Variants in DPP10 observed in about 807,000 individuals in gnomAD.
DPP10 encodes inactive dipeptidyl peptidase 10.
DPP10 carries 33 observed loss-of-function variants against 120.9 expected under a neutral mutation model. The observed-to-expected ratio is 0.27, with a 90% CI of 0.21 to 0.37. The LOEUF is 0.37. Among genes scored for constraint, DPP10 ranks in the 10% least tolerant of loss-of-function variants. The probability of loss-of-function intolerance (pLI) is 1.00; values close to 1 mark genes in which losing one functional copy is unlikely to be tolerated. For synonymous variants in DPP10, 337 were observed against 326.1 expected (o/e 1.03, Z -0.36); for missense variants, 816 against 942.8 (o/e 0.87, Z 1.76).
rs1422507027 is a variant in DPP10 at position 115,648,216 on chromosome 2, T to G, written c.442-41471T>G. On this transcript the variant is annotated intron_variant, in intron 5 of 25. Transcript: ENST00000410059. ...ATGGGAAATATATGTTTTTAAAAAC[T>G]GAACTCATAGAAGCAGAGTAGAATC... Among the ~76,000 whole-genome samples the G allele has an allele frequency of 2.6e-5, 4 of 152,032 alleles. No individual in the cohort carries two copies. The East Asian group carries it at 7.7e-4, about 29-fold the overall frequency.
At position 114,476,668 on chromosome 2, in the gene DPP10, G is replaced by A. The variant is rs190437917; in HGVS notation, c.60+33830G>A. 4.4e-3 allele frequency among the ~76,000 whole-genome samples: 677 copies of A among 152,280 alleles called. 1 individual carries two copies. Among genetic ancestry groups the A allele is most frequent in the African/African-American group, 0.012 (502 of 41,558 alleles). ...GGAAAGTTCAAACAGGAAATAGTGC[G>A]TATGTGTGAGTGGGGAGCTACTCTG... On this transcript the variant is annotated intron_variant, in intron 1 of 25. Transcript: ENST00000410059.
Position 115,693,434 on chromosome 2 carries a change from C to T in DPP10, c.576+3513C>T, listed in dbSNP as rs185290980. ...AGCAACTTTGGAACAAACCAAATTCCAGAACACAGAAACCCAAGACAACTC... is the reference window on the plus strand; with the variant it reads ...AGCAACTTTGGAACAAACCAAATTCTAGAACACAGAAACCCAAGACAACTC... On this transcript the variant is annotated intron_variant, in intron 7 of 25. Coordinates refer to ENST00000410059, the MANE Select transcript of DPP10 (RefSeq NM_020868.6). Among the ~76,000 whole-genome samples the T allele has an allele frequency of 8.6e-4, 131 of 152,154 alleles. 1 individual carries two copies. The highest frequency in any genetic ancestry group is 2.9e-3 in the African/African-American group (122 of 41,538).
At chr2:115,606,304 G>A (rs562734432) in intron 5 of DPP10, among the ~76,000 whole-genome samples, 12 of 152,020 alleles carry the variant, frequency 7.9e-5, no homozygotes, top group Admixed American at 3.3e-4. Flanking sequence ...ATGTTCTTTC[G>A]CTTTTTTTAA....
intron 1 of DPP10, among the ~76,000 whole-genome samples, chr2:114,649,906 GT>G (rs1170233578): frequency 6.6e-6 from 1 of 151,486 alleles, no homozygotes; most frequent in Non-Finnish European, 1.5e-5. Context: ...TTTCCACTTG[GT>G]TTATTTGACA....
chr2:115,039,461 G>A (rs1288924100), intron 1 of DPP10, among the ~76,000 whole-genome samples: 1 of 152,158 alleles, frequency 6.6e-6, no homozygotes, highest in Non-Finnish European at 1.5e-5. Context: ...GTGTTTCTGA[G>A]AGAGTTTGTA....
chr2:115,082,335 C>G (rs1708341921), intron 1 of DPP10, among the ~76,000 whole-genome samples: 1 of 152,122 alleles, frequency 6.6e-6, no homozygotes, highest in South Asian at 2.1e-4. Context: ...GCTTCGTGCT[C>G]TTTTAGCTCC....
intron 3 of DPP10, among the ~76,000 whole-genome samples, chr2:115,387,340 A>C (rs900051174): frequency 6.6e-6 from 1 of 152,188 alleles, no homozygotes; most frequent in Non-Finnish European, 1.5e-5. Flanking sequence ...TGCTACAACA[A>C]CTTATTTTTA....
At chr2:115,058,220 G>C (rs10175592) in intron 1 of DPP10, among the ~76,000 whole-genome samples, 1 of 148,804 alleles carries the variant, frequency 6.7e-6, no homozygotes, top group East Asian at 2.0e-4. Context: ...TAATTTGTCA[G>C]CCTTTCTTCT....
chr2:115,715,200 G>A (rs1575589379), intron 7 of DPP10, among the ~76,000 whole-genome samples: 4 of 151,326 alleles, frequency 2.6e-5, no homozygotes, highest in African/African-American at 4.8e-5. Flanking sequence ...TTAGCTGGGC[G>A]TGGTGGCACA....
intron 5 of DPP10, among the ~76,000 whole-genome samples, chr2:115,583,918 T>C (rs562647808): frequency 6.6e-6 from 1 of 152,330 alleles, no homozygotes; most frequent in South Asian, 2.1e-4. Context: ...GCTTTTTGCC[T>C]CTGAGGAGGA....
chr2:115,216,953 A>G (rs909224566), intron 1 of DPP10, among the ~76,000 whole-genome samples: 39 of 152,144 alleles, frequency 2.6e-4, no homozygotes, highest in African/African-American at 8.9e-4. Flanking sequence ...CTTAACATCA[A>G]AAGTATACAC....
intron 21 of DPP10, among the ~76,000 whole-genome samples, chr2:115,829,476 G>T (rs1201771233): frequency 6.6e-6 from 1 of 151,312 alleles, no homozygotes; most frequent in Non-Finnish European, 1.5e-5. Flanking sequence ...TTCTCTCTTT[G>T]AAAATATTCT....
At chr2:115,625,140 G>A (rs548374065) in intron 5 of DPP10, among the ~76,000 whole-genome samples, 11 of 152,108 alleles carry the variant, frequency 7.2e-5, no homozygotes, top group East Asian at 1.9e-4. Context: ...TTGATAATAC[G>A]TTGAATAGCA....
chr2:115,587,509 A>G (rs1462599766), intron 5 of DPP10, among the ~76,000 whole-genome samples: 1 of 152,114 alleles, frequency 6.6e-6, no homozygotes, highest in African/African-American at 2.4e-5. Flanking sequence ...ATTTAACGTA[A>G]TATCCTCCAG....
intron 13 of DPP10, among the ~76,000 whole-genome samples, chr2:115,772,246 C>T (rs1204622068): frequency 2.6e-5 from 4 of 152,048 alleles, no homozygotes; most frequent in Non-Finnish European, 5.9e-5. Context: ...ACTGGATGTG[C>T]ATCAATAACC....
At chr2:115,630,276 A>G (rs1458447010) in intron 5 of DPP10, among the ~76,000 whole-genome samples, 1 of 152,130 alleles carries the variant, frequency 6.6e-6, no homozygotes, top group Non-Finnish European at 1.5e-5. Flanking sequence ...ACTTTGGTGA[A>G]GTTGCTTATG....
At chr2:115,052,606 A>G (rs991338830) in intron 1 of DPP10, among the ~76,000 whole-genome samples, 1 of 152,196 alleles carries the variant, frequency 6.6e-6, no homozygotes, top group Admixed American at 6.5e-5. Context: ...AGAGAAATGC[A>G]AATCAAAACC....
intron 1 of DPP10, among the ~76,000 whole-genome samples, chr2:114,650,390 A>G (rs1696491937): frequency 6.6e-6 from 1 of 152,204 alleles, no homozygotes. Context: ...ACCAAGAATG[A>G]GTCCAGGAGA....
intron 3 of DPP10, among the ~76,000 whole-genome samples, chr2:115,382,199 C>G (rs929977153): frequency 6.6e-6 from 1 of 152,310 alleles, no homozygotes; most frequent in African/African-American, 2.4e-5. Context: ...GCTGTGCTAT[C>G]AATCAGCGAG....
Sources: gnomAD v4.1 joint callset for allele counts (sites outside exome capture counted in the v4.1 genomes callset) on GRCh38, gnomAD v4.1.1 for gene constraint, MANE v1.5 for transcripts, NCBI Gene and HGNC (gene_info 2026-07-23, HGNC 2026-07-21) for gene names.